MYRIP: variants seen among roughly 807,000 people sequenced by gnomAD.
MYRIP encodes rab effector MyRIP.
MYRIP carries 49 observed loss-of-function variants against 98.0 expected under a neutral mutation model. That is an observed-to-expected ratio of 0.50 (90% CI 0.40 to 0.63). The LOEUF is 0.63. Ranked by LOEUF, MYRIP falls within the 30% of genes least tolerant of loss-of-function variation. The pLI is 0.00. For synonymous variants in MYRIP, 404 were observed against 409.5 expected, an observed-to-expected ratio of 0.99 and a Z score of 0.16; for missense variants, 1,004 against 1,058.2, an observed-to-expected ratio of 0.95 and a Z score of 0.71.
chr3:40,106,159 T>C (rs1949046160), intron 3 of MYRIP, among the ~76,000 whole-genome samples: 1 of 152,012 alleles, frequency 6.6e-6, no homozygotes, highest in Non-Finnish European at 1.5e-5. Context: ...TAAATAATAA[T>C]AATAAAGTGA....
chr3:40,127,738 G>A (rs1355409850), intron 3 of MYRIP, among the ~76,000 whole-genome samples: 1 of 152,220 alleles, frequency 6.6e-6, no homozygotes, highest in Non-Finnish European at 1.5e-5. Flanking sequence ...AGGGAGGTAG[G>A]AGAGCAGAAG....
chr3:39,822,718 G>A (rs972391045), intron 1 of MYRIP, among the ~76,000 whole-genome samples: 2 of 152,216 alleles, frequency 1.3e-5, no homozygotes, highest in East Asian at 1.9e-4. Flanking sequence ...AGTATCCTCT[G>A]TTCTACTTTC....
At chr3:39,886,966 G>T (rs1445550259) in intron 1 of MYRIP, among the ~76,000 whole-genome samples, 1 of 152,016 alleles carries the variant, frequency 6.6e-6, no homozygotes, top group Non-Finnish European at 1.5e-5. Flanking sequence ...AAATGTAAAA[G>T]AACAGAAATT....
chr3:39,862,078 A>G (rs1942488905), intron 1 of MYRIP, among the ~76,000 whole-genome samples: 1 of 152,148 alleles, frequency 6.6e-6, no homozygotes, highest in Non-Finnish European at 1.5e-5. Context: ...AAAAATATTA[A>G]AGCCAGAGAG....
At chr3:40,050,759 T>C (rs1947779604) in intron 3 of MYRIP, among the ~76,000 whole-genome samples, 1 of 152,186 alleles carries the variant, frequency 6.6e-6, no homozygotes, top group Non-Finnish European at 1.5e-5. Context: ...AGAGCATTTG[T>C]GATTTGTGAG....
intron 2 of MYRIP, among the ~76,000 whole-genome samples, chr3:39,951,966 A>C (rs898648076): frequency 6.6e-6 from 1 of 152,112 alleles, no homozygotes; most frequent in East Asian, 1.9e-4. Context: ...ATTTCTAGTA[A>C]ATTTATAGAG....
At chr3:40,248,162 T>G (rs1026261082) in intron 13 of MYRIP, 1 of 152,130 alleles carries the variant, frequency 6.6e-6, no homozygotes. Flanking sequence ...TAGGACAGAG[T>G]CTAAGGATGC....
At chr3:39,922,959 C>T (rs1944336998) in intron 2 of MYRIP, among the ~76,000 whole-genome samples, 1 of 133,318 alleles carries the variant, frequency 7.5e-6, no homozygotes, top group East Asian at 2.4e-4. Context: ...TTCAAACATA[C>T]TAGAAACAAA....
At chr3:39,964,065 T>A (rs1334805390) in intron 2 of MYRIP, among the ~76,000 whole-genome samples, 1 of 152,142 alleles carries the variant, frequency 6.6e-6, no homozygotes, top group African/African-American at 2.4e-5. Flanking sequence ...GCTGTACATT[T>A]AAATTCCTTT....
intron 1 of MYRIP, among the ~76,000 whole-genome samples, chr3:39,879,745 ATC>A (rs1448933915): frequency 2.0e-5 from 3 of 152,082 alleles, no homozygotes; most frequent in Non-Finnish European, 2.9e-5. Context: ...AGCAGCTGAA[ATC>A]TCTGCTCAGA....
intron 3 of MYRIP, among the ~76,000 whole-genome samples, chr3:40,063,615 A>G (rs972505988): frequency 2.6e-5 from 4 of 152,180 alleles, no homozygotes; most frequent in African/African-American, 4.8e-5. Context: ...TACTTGTAAT[A>G]TTCTTTTCCT....
intron 3 of MYRIP, among the ~76,000 whole-genome samples, chr3:40,139,339 C>T (rs1018086410): frequency 6.6e-5 from 10 of 152,096 alleles, no homozygotes; most frequent in African/African-American, 2.4e-4. Flanking sequence ...AATCATATAA[C>T]CACTACTACA....
At chr3:40,135,261 TC>T (rs1949738844) in intron 3 of MYRIP, among the ~76,000 whole-genome samples, 1 of 152,114 alleles carries the variant, frequency 6.6e-6, no homozygotes, top group Admixed American at 6.5e-5. Context: ...ACCGATGTGA[TC>T]AACTGGAAGA....
chr3:40,031,888 T>C (rs1947270057), intron 2 of MYRIP, among the ~76,000 whole-genome samples: 1 of 152,170 alleles, frequency 6.6e-6, no homozygotes, highest in Admixed American at 6.6e-5. Context: ...TTTTCTTCTT[T>C]ATTAGTCTTG....
At chr3:40,061,910 T>C (rs939665819) in intron 3 of MYRIP, among the ~76,000 whole-genome samples, 4 of 152,254 alleles carry the variant, frequency 2.6e-5, no homozygotes, top group Admixed American at 2.6e-4. Context: ...TTGAGAAGTG[T>C]CTGTTCATGA....
chr3:39,905,207 A>G (rs1476472937), intron 2 of MYRIP, among the ~76,000 whole-genome samples: 1 of 152,206 alleles, frequency 6.6e-6, no homozygotes, highest in Non-Finnish European at 1.5e-5. Context: ...TCAGGCAAAT[A>G]GTAAAATTAT....
chr3:39,873,929 C>A (rs1208701309), intron 1 of MYRIP, among the ~76,000 whole-genome samples: 17 of 152,012 alleles, frequency 1.1e-4, no homozygotes, highest in South Asian at 4.2e-4. Context: ...TTACCTTGGG[C>A]AGTATGGCCA....
At chr3:40,036,914 C>G (rs533071199) in intron 2 of MYRIP, among the ~76,000 whole-genome samples, 11 of 152,200 alleles carry the variant, frequency 7.2e-5, no homozygotes, top group African/African-American at 2.4e-4. Flanking sequence ...CATCTGTTAA[C>G]TTTATACATT....
chr3:40,072,985 A>G (rs1948263202), intron 3 of MYRIP, among the ~76,000 whole-genome samples: 1 of 152,194 alleles, frequency 6.6e-6, no homozygotes, highest in Non-Finnish European at 1.5e-5. Context: ...ATTTTTGAAA[A>G]AGGTATATTA....
Sources: allele counts gnomAD v4.1 joint callset (sites outside exome capture counted in the v4.1 genomes callset), GRCh38; gene constraint gnomAD v4.1.1; transcripts MANE v1.5; gene names NCBI Gene and HGNC (gene_info 2026-07-23, HGNC 2026-07-21).